Variants in GPC6 observed in about 807,000 individuals in gnomAD.
GPC6 encodes glypican-6.
A neutral mutation model predicts 55.2 loss-of-function variants in GPC6; 14 were observed. That is an observed-to-expected ratio of 0.25 (90% CI 0.17 to 0.40). The LOEUF is 0.40. Among genes scored for constraint, GPC6 ranks in the 10% least tolerant of loss-of-function variants. The pLI is 1.00. For missense variants in GPC6, 641 were observed against 708.5 expected (o/e 0.90, Z 1.08); for synonymous variants, 278 against 259.6 (o/e 1.07, Z -0.68).
intron 4 of GPC6, among the ~76,000 whole-genome samples, chr13:94,069,003 T>A (rs1045834840): frequency 1.3e-5 from 2 of 152,190 alleles, no homozygotes; most frequent in Non-Finnish European, 2.9e-5. Flanking sequence ...AGTGTCCCAG[T>A]AGGGACTCTG....
At chr13:93,538,951 T>C (rs945931729) in intron 1 of GPC6, among the ~76,000 whole-genome samples, 11 of 152,056 alleles carry the variant, frequency 7.2e-5, no homozygotes, top group African/African-American at 2.7e-4. Flanking sequence ...TATTATACTT[T>C]AAGTTTTAGG....
intron 1 of GPC6, among the ~76,000 whole-genome samples, chr13:93,440,360 G>C (rs1877741298): frequency 1.3e-5 from 2 of 152,156 alleles, no homozygotes; most frequent in African/African-American, 4.8e-5. Context: ...GAAGCAGATG[G>C]CAGTGATGGT....
intron 1 of GPC6, among the ~76,000 whole-genome samples, chr13:93,312,890 A>G (rs149351579): frequency 4.1e-4 from 63 of 152,278 alleles, no homozygotes; most frequent in Non-Finnish European, 7.6e-4. Context: ...ATTTGGCTCT[A>G]TAAACTGTAC....
intron 3 of GPC6, among the ~76,000 whole-genome samples, chr13:93,854,083 C>T (rs1257123268): frequency 6.6e-6 from 1 of 151,638 alleles, no homozygotes; most frequent in Middle Eastern, 3.2e-3. Flanking sequence ...CATTCATGAA[C>T]ACCCTCTATG....
At chr13:93,845,296 C>G (rs1295943050) in intron 3 of GPC6, among the ~76,000 whole-genome samples, 3 of 150,658 alleles carry the variant, frequency 2.0e-5, no homozygotes, top group African/African-American at 7.4e-5. Flanking sequence ...TCATCTCACA[C>G]CAGTTAGAAT....
At chr13:93,903,556 C>T (rs901462509) in intron 3 of GPC6, among the ~76,000 whole-genome samples, 1 of 152,096 alleles carries the variant, frequency 6.6e-6, no homozygotes, top group Non-Finnish European at 1.5e-5. Context: ...TATATTGTAG[C>T]ATAAACTTTA....
chr13:93,688,628 A>G (rs1044893396), intron 2 of GPC6, among the ~76,000 whole-genome samples: 2 of 152,100 alleles, frequency 1.3e-5, no homozygotes, highest in Admixed American at 1.3e-4. Context: ...TACAATGTGG[A>G]TGAATCTTGA....
At chr13:93,640,826 T>C (rs1879901145) in intron 2 of GPC6, among the ~76,000 whole-genome samples, 1 of 51,664 alleles carries the variant, frequency 1.9e-5, no homozygotes. Flanking sequence ...TTTCCTTCCT[T>C]CCTTTGTTCC....
At chr13:93,387,273 G>T (rs1301038254) in intron 1 of GPC6, among the ~76,000 whole-genome samples, 3 of 151,986 alleles carry the variant, frequency 2.0e-5, no homozygotes, top group Non-Finnish European at 4.4e-5. Flanking sequence ...CCGTCATCCA[G>T]GTTTTAAGGC....
intron 5 of GPC6, 102 bp downstream of exon 5, chr13:94,286,581 A>G: frequency 1.9e-6 from 2 of 1,032,912 alleles, no homozygotes; most frequent in Non-Finnish European, 2.9e-6. Context: ...TATAAATTCT[A>G]ATATGCTGTC....
intron 6 of GPC6, among the ~76,000 whole-genome samples, chr13:94,309,072 T>C (rs981278402): frequency 6.6e-6 from 1 of 152,204 alleles, no homozygotes; most frequent in African/African-American, 2.4e-5. Flanking sequence ...TACCTACTCC[T>C]GTTTTAATTT....
At chr13:94,195,809 C>T (rs1410400055) in intron 4 of GPC6, among the ~76,000 whole-genome samples, 2 of 152,256 alleles carry the variant, frequency 1.3e-5, no homozygotes, top group African/African-American at 4.8e-5. Context: ...TGGGGAAGAG[C>T]CCATACCAAG....
chr13:93,411,073 G>C (rs1390495307), intron 1 of GPC6, among the ~76,000 whole-genome samples: 1 of 152,106 alleles, frequency 6.6e-6, no homozygotes, highest in Non-Finnish European at 1.5e-5. Flanking sequence ...CATGACTGTT[G>C]ATACCCAGAT....
At chr13:94,116,228 A>G (rs1370685707) in intron 4 of GPC6, among the ~76,000 whole-genome samples, 1 of 152,032 alleles carries the variant, frequency 6.6e-6, no homozygotes, top group Non-Finnish European at 1.5e-5. Flanking sequence ...CCTTTAATCT[A>G]TACAGCACCC....
intron 4 of GPC6, among the ~76,000 whole-genome samples, chr13:94,217,009 AT>A (rs1298082855): frequency 1.3e-5 from 2 of 152,232 alleles, no homozygotes; most frequent in African/African-American, 4.8e-5. Flanking sequence ...AAATGGAGAT[AT>A]CAGTATGTAC....
At chr13:93,673,727 C>T (rs1246212217) in intron 2 of GPC6, among the ~76,000 whole-genome samples, 1 of 152,062 alleles carries the variant, frequency 6.6e-6, no homozygotes, top group African/African-American at 2.4e-5. Flanking sequence ...AAAAAATGTT[C>T]CCCAAGTTAT....
intron 3 of GPC6, among the ~76,000 whole-genome samples, chr13:93,949,081 G>GC (rs1879135971): frequency 6.6e-6 from 1 of 152,070 alleles, no homozygotes; most frequent in Non-Finnish European, 1.5e-5. Flanking sequence ...GGGGTCTTCT[G>GC]CGTTGTTGGG....
At chr13:93,426,724 A>G (rs1877142646) in intron 1 of GPC6, among the ~76,000 whole-genome samples, 1 of 152,132 alleles carries the variant, frequency 6.6e-6, no homozygotes, top group Non-Finnish European at 1.5e-5. Flanking sequence ...TTATAGCAGC[A>G]TGATTTATAG....
At chr13:93,686,010 A>C (rs1720940354) in intron 2 of GPC6, among the ~76,000 whole-genome samples, 1 of 152,140 alleles carries the variant, frequency 6.6e-6, no homozygotes, top group Non-Finnish European at 1.5e-5. Context: ...ACAACAACTC[A>C]AAAACTGTAG....
Sources: allele counts gnomAD v4.1 joint callset (sites outside exome capture counted in the v4.1 genomes callset), GRCh38; gene constraint gnomAD v4.1.1; transcripts MANE v1.5; gene names NCBI Gene and HGNC (gene_info 2026-07-23, HGNC 2026-07-21).